Variants in CNGA3 observed in about 807,000 individuals in gnomAD.
CNGA3 encodes cyclic nucleotide gated channel subunit alpha 3, also known as cyclic nucleotide-gated channel alpha-3.
Under a neutral mutation model 46.6 loss-of-function variants are expected in CNGA3, and 42 were observed. That is an observed-to-expected ratio of 0.90 (90% confidence interval 0.70 to 1.17). CNGA3 has a LOEUF of 1.17. CNGA3 is among the 50% of genes most tolerant of loss of function. CNGA3 has a pLI of 0.00. For synonymous variants in CNGA3, 394 were observed against 369.4 expected (o/e 1.07, Z -0.76); for missense variants, 893 against 890.7 (o/e 1.00, Z -0.03).
chr2:98,368,536 A>G (rs1332984913), intron 1 of CNGA3, among the ~76,000 whole-genome samples: 2 of 152,180 alleles, frequency 1.3e-5, no homozygotes, highest in African/African-American at 2.4e-5. Flanking sequence ...GCACCTTCCA[A>G]TGTTTGCCAA....
chr2:98,373,461 G>A (rs953427377), intron 2 of CNGA3, among the ~76,000 whole-genome samples: 3 of 152,042 alleles, frequency 2.0e-5, no homozygotes, highest in South Asian at 2.1e-4. Context: ...ATGGCCCCTC[G>A]CTGAGTGCCC....
intron 1 of CNGA3, among the ~76,000 whole-genome samples, chr2:98,353,007 C>T (rs1213513014): frequency 6.6e-6 from 1 of 152,168 alleles, no homozygotes; most frequent in African/African-American, 2.4e-5. Flanking sequence ...TACTAATAGG[C>T]TTCTGTTGAC....
At chr2:98,377,490 A>G in intron 2 of CNGA3, 197 bp from the exon 3 acceptor site, 1 of 597,176 alleles carries the variant, frequency 1.7e-6, no homozygotes. Context: ...TCCTTGCTGT[A>G]AAGGAAAGGC....
intron 1 of CNGA3, among the ~76,000 whole-genome samples, chr2:98,361,408 A>G (rs1311585186): frequency 6.6e-6 from 1 of 151,880 alleles, no homozygotes; most frequent in Non-Finnish European, 1.5e-5. Flanking sequence ...TATGTACCAC[A>G]TTTTCTTTAT....
intron 5 of CNGA3, among the ~76,000 whole-genome samples, chr2:98,388,586 G>T (rs926847161): frequency 2.0e-5 from 3 of 152,198 alleles, no homozygotes; most frequent in African/African-American, 7.2e-5. Context: ...ACTCAAGGGG[G>T]GCTTATAAGT....
chr2:98,383,480 CGG>C lies in CNGA3; in HGVS notation c.449+40_449+41del, dbSNP rs750658137. On this transcript the variant is annotated intron_variant, in intron 5 of 7. Coordinates refer to ENST00000272602, the MANE Select transcript of CNGA3 (RefSeq NM_001298.3). The stretch of plus-strand genomic sequence containing the variant: ...CACCCAGCAGAGCCCTCCCCAAGCC[CGG>C]TGCCCTCCACCCCATAGAAGCCCCA... 1.9e-6 allele frequency: 3 copies of C among 1,607,540 alleles called. No individual in the cohort carries two copies. The African/African-American group carries it at 4.0e-5, about 21-fold the overall frequency.
At chr2:98,384,668 A>C (rs1274386900) in intron 5 of CNGA3, among the ~76,000 whole-genome samples, 3 of 152,214 alleles carry the variant, frequency 2.0e-5, no homozygotes, top group Non-Finnish European at 4.4e-5. Flanking sequence ...CTGACACTAA[A>C]CACCCTTGCA....
At chr2:98,386,057 G>A (rs1035296390) in intron 5 of CNGA3, among the ~76,000 whole-genome samples, 1 of 152,120 alleles carries the variant, frequency 6.6e-6, no homozygotes, top group Non-Finnish European at 1.5e-5. Context: ...TTGTAATAGG[G>A]TCTTATTACA....
intron 7 of CNGA3, among the ~76,000 whole-genome samples, chr2:98,393,418 C>G (rs1437392014): frequency 1.3e-5 from 2 of 152,164 alleles, no homozygotes; most frequent in Non-Finnish European, 2.9e-5. Context: ...ATTTAGAAAC[C>G]AACATCAGAG....
At position 98,378,869 on chromosome 2, in the gene CNGA3, T is replaced by C. The variant is rs551432043; in HGVS notation, c.215+1069T>C. 1.3e-5 allele frequency among the ~76,000 whole-genome samples: 2 copies of C among 152,274 alleles called. 1 individual carries two copies. Among genetic ancestry groups the C allele is most frequent in the South Asian group, 4.1e-4 (2 of 4,826 alleles). On this transcript the variant is annotated intron_variant, in intron 3 of 7. Transcript: ENST00000272602. ...CCCATTTTCTCATGGAGTTTCATGG[T>C]CTTTGTGCTTCTTTCTGCATGTCCC...
At chr2:98,383,678 T>C (rs1692585838) in intron 5 of CNGA3, among the ~76,000 whole-genome samples, 1 of 152,218 alleles carries the variant, frequency 6.6e-6, no homozygotes, top group African/African-American at 2.4e-5. Flanking sequence ...CTCTCATTTT[T>C]CTCATCCATA....
In CNGA3 at chr2:98,396,131, T is replaced by C; in HGVS notation, c.961T>C (p.Tyr321His). The C allele has an allele frequency of 6.2e-7, 1 of 1,614,270 alleles. No individual in the cohort carries two copies. The highest frequency in any genetic ancestry group is 1.7e-5 in the Admixed American group (1 of 60,034). Residue 321 changes from tyrosine to histidine, a missense_variant, in exon 8 of 8, where the codon TAC (tyrosine) becomes CAC (histidine). Around this residue, in one of 3 missense-constraint regions of CNGA3, gnomAD observed 548 missense variants for 570.8 expected, o/e 0.96. Transcript: ENST00000272602. ...LIIIHWNACIYFAISKFIGFG... is the reference protein window; with the variant it reads ...LIIIHWNACIHFAISKFIGFG... ...CATCATCCACTGGAATGCCTGCATC[T>C]ACTTTGCCATTTCCAAGTTCATTGG...
chr2:98,397,526 G>C lies in CNGA3; in HGVS notation c.*271G>C, dbSNP rs1320626538. The C allele has an allele frequency of 3.8e-6, 2 of 521,970 alleles. No individual in the cohort carries two copies. Among genetic ancestry groups the C allele is most frequent in the Non-Finnish European group, 6.9e-6 (2 of 290,466 alleles). The allele number at this position is 521,970 out of a possible 1,614,324, so 32.3% of individuals were successfully genotyped here. A position where few individuals can be genotyped will look rare whatever the true frequency, so the allele number is the denominator to read the frequency against. ...AAAGTGCAAGGTATCCCCAGTCCAA[G>C]TATATGAAAACGTGCACACAGGACT... On this transcript the variant is annotated 3_prime_UTR_variant, in exon 8 of 8. Transcript: ENST00000272602.
intron 6 of CNGA3, among the ~76,000 whole-genome samples, 176 bp from the exon 7 acceptor site, chr2:98,391,688 T>C (rs1273939796): frequency 1.8e-4 from 27 of 152,102 alleles, no homozygotes; most frequent in Admixed American, 1.8e-3. Context: ...GAAAAGCTTC[T>C]CAGAGACATC....
chr2:98,395,353 A>G (rs1360552439), intron 7 of CNGA3, among the ~76,000 whole-genome samples: 1 of 152,096 alleles, frequency 6.6e-6, no homozygotes, highest in African/African-American at 2.4e-5. Context: ...TATTTTTAGT[A>G]GAGACAGGGT....
intron 1 of CNGA3, among the ~76,000 whole-genome samples, chr2:98,352,365 G>A (rs186084399): frequency 1.3e-5 from 2 of 152,224 alleles, no homozygotes; most frequent in East Asian, 3.9e-4. Context: ...AAGTTGTTGT[G>A]TGGACATGTT....
At chr2:98,381,452 G>A (rs1692535652) in intron 4 of CNGA3, among the ~76,000 whole-genome samples, 2 of 152,216 alleles carry the variant, frequency 1.3e-5, no homozygotes. Context: ...GTGTGTGAAG[G>A]TGATGAAGTC....
chr2:98,379,978 C>T (rs1441418840), intron 3 of CNGA3, 197 bp from the exon 4 acceptor site: 5 of 637,722 alleles, frequency 7.8e-6, no homozygotes, highest in Admixed American at 2.5e-5. Flanking sequence ...AGGGGATAAA[C>T]GGTCCCCATG....
chr2:98,361,928 C>T (rs1235185690), intron 1 of CNGA3, among the ~76,000 whole-genome samples: 12 of 151,820 alleles, frequency 7.9e-5, no homozygotes, highest in Admixed American at 1.3e-4. Context: ...AGGATGGTCT[C>T]GATTTCCTGG....
Sources: gnomAD v4.1 joint callset for allele counts (sites outside exome capture counted in the v4.1 genomes callset) on GRCh38, gnomAD v4.1.1 for gene constraint, gnomAD v4.1.1 regional missense constraint, MANE v1.5 for transcripts, NCBI Gene and HGNC (gene_info 2026-07-23, HGNC 2026-07-21) for gene names.